Variants in CTNNA3 observed in about 807,000 individuals in gnomAD.
CTNNA3 encodes the protein catenin alpha-3.
A neutral mutation model predicts 95.7 loss-of-function variants in CTNNA3; 76 were observed. The ratio of observed to expected loss-of-function variants is 0.79; its 90% CI spans 0.66 to 0.96. CTNNA3 has a LOEUF of 0.96. Ranked by LOEUF, CTNNA3 falls within the 40% of genes least tolerant of loss-of-function variation. The probability of loss-of-function intolerance (pLI) is 0.00; values close to 1 mark genes in which losing one functional copy is unlikely to be tolerated. For synonymous variants in CTNNA3, 431 were observed against 374.4 expected (o/e 1.15, Z -1.74); for missense variants, 1,191 against 1,089.8 (o/e 1.09, Z -1.31).
chr10:67,123,360 C>A (rs1441276100), intron 7 of CTNNA3, among the ~76,000 whole-genome samples: 1 of 152,118 alleles, frequency 6.6e-6, no homozygotes, highest in African/African-American at 2.4e-5. Context: ...CCAGTTAATT[C>A]ATGCCAACTA....
chr10:67,286,779 T>G (rs1301875131), intron 5 of CTNNA3, among the ~76,000 whole-genome samples: 1 of 152,206 alleles, frequency 6.6e-6, no homozygotes. Context: ...ACTCCTGACT[T>G]AAAATTCTAC....
At chr10:67,032,490 G>A (rs982502985) in intron 7 of CTNNA3, among the ~76,000 whole-genome samples, 1 of 152,120 alleles carries the variant, frequency 6.6e-6, no homozygotes, top group African/African-American at 2.4e-5. Context: ...ATTTGTGGAG[G>A]TCCTGCTATA....
At chr10:67,379,288 C>A (rs191369532) in intron 5 of CTNNA3, among the ~76,000 whole-genome samples, 3 of 152,094 alleles carry the variant, frequency 2.0e-5, no homozygotes, top group Non-Finnish European at 4.4e-5. Context: ...TCTAGCCCCC[C>A]GCTTGGACAA....
In CTNNA3 at chr10:66,436,945, G is replaced by T. The variant is rs183346474; in HGVS notation, c.1532-57593C>A. On this transcript the variant is annotated intron_variant, in intron 11 of 17. Transcript: ENST00000433211. The stretch of plus-strand genomic sequence containing the variant: ...AGGATTTTATTTCTCCTTCACTTAT[G>T]AAGCTTAGTTTGGCTGGATAAAAAA... Among the ~76,000 whole-genome samples, 467 of 152,144 alleles carry T rather than the reference G, an allele frequency of 3.1e-3. 3 individuals carry two copies. Among genetic ancestry groups the T allele is most frequent in the African/African-American group, 0.01 (433 of 41,494 alleles).
chr10:66,877,001 A>G (rs958212690), intron 7 of CTNNA3, among the ~76,000 whole-genome samples: 6 of 152,154 alleles, frequency 3.9e-5, no homozygotes, highest in African/African-American at 1.4e-4. Flanking sequence ...TAATTCAAAA[A>G]GCAGTATTGC....
chr10:67,506,057 A>C (rs1169427321), intron 5 of CTNNA3, among the ~76,000 whole-genome samples: 1 of 152,236 alleles, frequency 6.6e-6, no homozygotes, highest in Non-Finnish European at 1.5e-5. Flanking sequence ...CTGGTCAATG[A>C]ATGCAACTGT....
intron 10 of CTNNA3, among the ~76,000 whole-genome samples, chr10:66,601,399 T>A (rs1589477717): frequency 6.6e-6 from 1 of 152,086 alleles, no homozygotes; most frequent in East Asian, 1.9e-4. Context: ...TGACAGAGAT[T>A]AAAGTTATTT....
At chr10:66,680,095 C>T (rs1311970671) in intron 9 of CTNNA3, among the ~76,000 whole-genome samples, 3 of 152,020 alleles carry the variant, frequency 2.0e-5, no homozygotes, top group African/African-American at 4.8e-5. Context: ...CGGGTTCAAG[C>T]GATTGTCCTG....
intron 5 of CTNNA3, among the ~76,000 whole-genome samples, chr10:67,450,415 T>TATGGTACATATACACCATTCA (rs1258798049): frequency 1.3e-5 from 2 of 152,136 alleles, no homozygotes; most frequent in East Asian, 3.9e-4. Context: ...ATAAAGAAAA[T>TATGGTACATATACACCATTCA]ATGGTACATA....
intron 7 of CTNNA3, among the ~76,000 whole-genome samples, chr10:66,860,182 T>G (rs1316753711): frequency 6.6e-6 from 1 of 151,898 alleles, no homozygotes; most frequent in East Asian, 1.9e-4. Context: ...TAAAATAAAA[T>G]AAAAAGAATT....
chr10:66,840,368 TCTCTCA>T (rs1200102643), intron 7 of CTNNA3, among the ~76,000 whole-genome samples: 244 of 80,252 alleles, frequency 3.0e-3, no homozygotes, highest in African/African-American at 0.018. Flanking sequence ...TCTCTCTCTC[TCTCTCA>T]CACACACACA....
intron 15 of CTNNA3, among the ~76,000 whole-genome samples, chr10:66,025,790 A>G (rs945132002): frequency 1.3e-5 from 2 of 152,234 alleles, no homozygotes; most frequent in Non-Finnish European, 2.9e-5. Context: ...CCTAAGCATT[A>G]CAAATAAGAG....
At chr10:66,855,985 T>A (rs1843669297) in intron 7 of CTNNA3, among the ~76,000 whole-genome samples, 1 of 151,988 alleles carries the variant, frequency 6.6e-6, no homozygotes, top group Non-Finnish European at 1.5e-5. Flanking sequence ...GTTATGTGAA[T>A]AAATTGCATG....
At chr10:67,555,488 TC>T (rs1018373787) in intron 3 of CTNNA3, among the ~76,000 whole-genome samples, 22 of 152,218 alleles carry the variant, frequency 1.4e-4, no homozygotes, top group African/African-American at 5.1e-4. Flanking sequence ...TAAGTTGGAT[TC>T]CTAGGTATTT....
chr10:67,699,000 C>T (rs753728072), upstream of CTNNA3, among the ~76,000 whole-genome samples: 14 of 152,038 alleles, frequency 9.2e-5, no homozygotes, highest in Non-Finnish European at 1.8e-4. Flanking sequence ...TAACACCGAG[C>T]CTCATCTTCT....
At chr10:66,140,349 T>C (rs1463261235) in intron 13 of CTNNA3, among the ~76,000 whole-genome samples, 1 of 152,226 alleles carries the variant, frequency 6.6e-6, no homozygotes, top group African/African-American at 2.4e-5. Flanking sequence ...GTATCTGGTA[T>C]CTTTGAGGTA....
At chr10:67,222,795 A>C (rs559065235) in intron 5 of CTNNA3, among the ~76,000 whole-genome samples, 2 of 152,342 alleles carry the variant, frequency 1.3e-5, no homozygotes, top group South Asian at 2.1e-4. Flanking sequence ...TGACCTATAC[A>C]TTATGCTTCT....
At chr10:66,711,435 C>A (rs1375193380) in intron 9 of CTNNA3, among the ~76,000 whole-genome samples, 1 of 151,608 alleles carries the variant, frequency 6.6e-6, no homozygotes, top group African/African-American at 2.4e-5. Flanking sequence ...CCTAGGTGTC[C>A]CTCATTCATA....
At chr10:67,204,246 G>T (rs1207286617) in intron 6 of CTNNA3, among the ~76,000 whole-genome samples, 3 of 152,118 alleles carry the variant, frequency 2.0e-5, no homozygotes, top group Admixed American at 1.3e-4. Context: ...TGGAGGAGGG[G>T]CTTGGCGGGA....
Sources: gnomAD v4.1 joint callset for allele counts (sites outside exome capture counted in the v4.1 genomes callset) on GRCh38, gnomAD v4.1.1 for gene constraint, MANE v1.5 for transcripts, NCBI Gene and HGNC (gene_info 2026-07-23, HGNC 2026-07-21) for gene names.